GPR39: variants seen among roughly 807,000 people sequenced by gnomAD.
GPR39 encodes G protein-coupled receptor 39, also known as zinc sensing receptor.
A neutral mutation model predicts 18.4 loss-of-function variants in GPR39; 23 were observed. The observed-to-expected ratio is 1.25, with a 90% CI of 0.90 to 1.77. The LOEUF (loss-of-function observed/expected upper bound fraction) is 1.77, where lower values mean the gene tolerates loss of function less well. GPR39 is among the 40% of genes most tolerant of loss of function. The pLI, the probability that GPR39 is intolerant of heterozygous loss-of-function variation, is 0.00. For missense variants in GPR39, 647 were observed against 602.4 expected (o/e 1.07, Z -0.78); for synonymous variants, 280 against 257.9 (o/e 1.09, Z -0.82).
At chr2:132,427,774 T>C (rs1345645936) in intron 1 of GPR39, among the ~76,000 whole-genome samples, 2 of 150,036 alleles carry the variant, frequency 1.3e-5, no homozygotes, top group East Asian at 3.9e-4. Context: ...CATAGTGTCC[T>C]GAGGCCTCGA....
At chr2:132,461,188 A>C (rs1051456067) in intron 1 of GPR39, among the ~76,000 whole-genome samples, 1 of 152,142 alleles carries the variant, frequency 6.6e-6, no homozygotes, top group Non-Finnish European at 1.5e-5. Context: ...GATGCTAATA[A>C]ATGAAATGAC....
At chr2:132,541,920 C>T (rs1679867869) in intron 1 of GPR39, among the ~76,000 whole-genome samples, 1 of 152,140 alleles carries the variant, frequency 6.6e-6, no homozygotes, top group African/African-American at 2.4e-5. Context: ...GATCAGGGTG[C>T]CAGCAGGTTT....
intron 1 of GPR39, among the ~76,000 whole-genome samples, chr2:132,434,415 T>G (rs1573600215): frequency 6.6e-6 from 1 of 152,176 alleles, no homozygotes; most frequent in African/African-American, 2.4e-5. Context: ...TGCTTTGTCC[T>G]TGAAGTCAGG....
chr2:132,546,070 T>G (rs1679943524), intron 1 of GPR39, among the ~76,000 whole-genome samples: 1 of 152,246 alleles, frequency 6.6e-6, no homozygotes, highest in Admixed American at 6.5e-5. Context: ...CTTCTTAATG[T>G]ATTTTTCCAT....
chr2:132,462,017 G>A lies in GPR39; in HGVS notation c.856+44119G>A, dbSNP rs111923821. 4.8e-3 allele frequency among the ~76,000 whole-genome samples: 724 copies of A among 152,274 alleles called. 5 individuals carry two copies. Among genetic ancestry groups the A allele is most frequent in the African/African-American group, 0.016 (663 of 41,572 alleles). ...AACGCAGTAAGATTACCATGGGCCCGTCTAACATTTTCTTTATAAATTCAT... is the reference window on the plus strand; with the variant it reads ...AACGCAGTAAGATTACCATGGGCCCATCTAACATTTTCTTTATAAATTCAT... On this transcript the variant is annotated intron_variant, in intron 1 of 1. Coordinates refer to ENST00000329321, the MANE Select transcript of GPR39 (RefSeq NM_001508.3).
intron 1 of GPR39, among the ~76,000 whole-genome samples, chr2:132,526,641 C>G (rs1050488378): frequency 6.6e-6 from 1 of 152,234 alleles, no homozygotes; most frequent in Non-Finnish European, 1.5e-5. Flanking sequence ...ATACCCCACA[C>G]TGCCCATCCC....
At chr2:132,591,261 AAAAAAAAAAAAAAAAAC>A (rs1487883743) in intron 1 of GPR39, among the ~76,000 whole-genome samples, 2 of 123,980 alleles carry the variant, frequency 1.6e-5, no homozygotes, top group African/African-American at 3.6e-5. Context: ...CCGTCTCAAA[AAAAAAAAAAAAAAAAAC>A]AAAAAAAAAC....
chr2:132,417,269 C>T lies in GPR39; in HGVS notation c.227C>T (p.Ala76Val). 1 of 1,614,190 alleles carries T rather than the reference C, an allele frequency of 6.2e-7. No homozygotes were observed. The highest frequency in any genetic ancestry group is 2.2e-5 in the East Asian group (1 of 44,866). Residue 76 changes from alanine to valine, a missense_variant, in exon 1 of 2, where the codon GCT becomes GTT. Ala to Val is a moderately conservative substitution (Grantham distance 64, BLOSUM62 0). This residue lies in a region of GPR39 where 5 missense variants were observed against 16.4 expected (regional missense o/e 0.30). Transcript: ENST00000329321. ...GTGACAGACCACATGGTGAGTTTGG[C>T]TTGCTCGGACATCTTGGTGTTCCTC... ...KEVTDHMVSL[A>V]CSDILVFLIG... is the part of the protein sequence containing the mutation.
chr2:132,428,455 G>A (rs909747930), intron 1 of GPR39, among the ~76,000 whole-genome samples: 1 of 152,302 alleles, frequency 6.6e-6, no homozygotes, highest in African/African-American at 2.4e-5. Flanking sequence ...TATGAAGTAA[G>A]CTAGTTCTAG....
chr2:132,445,154 C>G (rs1352216464), intron 1 of GPR39, among the ~76,000 whole-genome samples: 2 of 111,728 alleles, frequency 1.8e-5, no homozygotes, highest in African/African-American at 5.5e-5. Flanking sequence ...TACATGTTAA[C>G]TTACTCGTAC....
intron 1 of GPR39, among the ~76,000 whole-genome samples, chr2:132,630,076 A>G (rs565864684): frequency 6.6e-6 from 1 of 152,278 alleles, no homozygotes; most frequent in East Asian, 1.9e-4. Flanking sequence ...TCTACCATGA[A>G]CCAGACACTA....
intron 1 of GPR39, among the ~76,000 whole-genome samples, chr2:132,547,895 C>T (rs1679977185): frequency 6.6e-6 from 1 of 152,166 alleles, no homozygotes; most frequent in African/African-American, 2.4e-5. Context: ...AATATATTTT[C>T]TCAGTAATTT....
intron 1 of GPR39, among the ~76,000 whole-genome samples, chr2:132,616,465 G>A (rs923068247): frequency 1.3e-5 from 2 of 152,214 alleles, no homozygotes; most frequent in African/African-American, 2.4e-5. Context: ...GCCTGAGCCT[G>A]TAGGGGCCCA....
chr2:132,622,799 C>G (rs1422103511), intron 1 of GPR39, among the ~76,000 whole-genome samples: 4 of 152,116 alleles, frequency 2.6e-5, no homozygotes, highest in African/African-American at 9.7e-5. Flanking sequence ...GAAAAGTGAG[C>G]CACATTGTAG....
At chr2:132,619,137 T>C (rs961076837) in intron 1 of GPR39, among the ~76,000 whole-genome samples, 1 of 152,028 alleles carries the variant, frequency 6.6e-6, no homozygotes, top group African/African-American at 2.4e-5. Context: ...TGCACTTTCT[T>C]CTCCACCCGA....
chr2:132,584,894 AGAGAGCATTTCTG>A (rs904098762), intron 1 of GPR39, among the ~76,000 whole-genome samples: 4 of 152,164 alleles, frequency 2.6e-5, no homozygotes, highest in African/African-American at 9.7e-5. Flanking sequence ...TAACAGTGAG[AGAGAGCATTTCTG>A]GAGACACTGA....
At chr2:132,527,602 A>G (rs977093691) in intron 1 of GPR39, among the ~76,000 whole-genome samples, 1 of 152,068 alleles carries the variant, frequency 6.6e-6, no homozygotes, top group African/African-American at 2.4e-5. Flanking sequence ...GCCAGCATCT[A>G]TTGTTTCTTG....
intron 1 of GPR39, among the ~76,000 whole-genome samples, chr2:132,430,270 G>C (rs1680201798): frequency 6.6e-6 from 1 of 152,200 alleles, no homozygotes; most frequent in Admixed American, 6.5e-5. Flanking sequence ...CAAAACCTTT[G>C]TGGGTGGAGC....
intron 1 of GPR39, among the ~76,000 whole-genome samples, chr2:132,567,043 G>T (rs374214840): frequency 1.3e-5 from 2 of 152,268 alleles, no homozygotes; most frequent in African/African-American, 4.8e-5. Context: ...TTAAGAAGTG[G>T]AGCCTTTGGC....
Sources: gnomAD v4.1 joint callset for allele counts (sites outside exome capture counted in the v4.1 genomes callset) on GRCh38, gnomAD v4.1.1 for gene constraint, gnomAD v4.1.1 regional missense constraint, MANE v1.5 for transcripts, NCBI Gene and HGNC (gene_info 2026-07-23, HGNC 2026-07-21) for gene names.